The following YPEL1 variants were observed in gnomAD, a reference collection of about 807,000 sequenced individuals.
YPEL1 encodes yippee like 1, also known as protein yippee-like 1.
In YPEL1, 7 loss-of-function variants were observed where a neutral mutation model predicts 17.3. The ratio of observed to expected loss-of-function variants is 0.40; its 90% CI spans 0.23 to 0.76. YPEL1 has a LOEUF of 0.76. Among genes scored for constraint, YPEL1 ranks in the 30% least tolerant of loss-of-function variants. YPEL1 has a pLI of 0.35. For missense variants in YPEL1, 91 were observed against 155.5 expected, an observed-to-expected ratio of 0.59 and a Z score of 2.21; for synonymous variants, 59 against 59.6, an observed-to-expected ratio of 0.99 and a Z score of 0.05.
At chr22:21,731,954 C>A (rs1218965213) in intron 1 of YPEL1, among the ~76,000 whole-genome samples, 4 of 152,178 alleles carry the variant, frequency 2.6e-5, no homozygotes, top group Non-Finnish European at 4.4e-5. Context: ...GGCAGGGGCT[C>A]AGCAAGCACC....
chr22:21,703,351 A>G lies in YPEL1; in HGVS notation c.270+19T>C, dbSNP rs1272660893. On this transcript the variant is annotated intron_variant, in intron 4 of 4. Transcript: ENST00000339468. This position sits in a 1 kb window ranked among gnomAD's most constrained non-coding sequence, Gnocchi z 6.1. Reference sequence around the variant, plus strand: ...TGCCACATCCCCTTGTGGCACGAGCATCCCCTTGTGGCACTCACGTATTTC... The same window carrying G: ...TGCCACATCCCCTTGTGGCACGAGCGTCCCCTTGTGGCACTCACGTATTTC... 1 of 1,609,882 alleles carries G rather than the reference A, an allele frequency of 6.2e-7. No individual in the cohort carries two copies. Among genetic ancestry groups the G allele is most frequent in the Non-Finnish European group, 8.5e-7 (1 of 1,177,252 alleles).
At chr22:21,732,642 T>G (rs2068399153) in intron 1 of YPEL1, among the ~76,000 whole-genome samples, 1 of 152,050 alleles carries the variant, frequency 6.6e-6, no homozygotes, top group South Asian at 2.1e-4. Flanking sequence ...ATTAGCTGGC[T>G]GTTGTGGCGG....
rs148183464 is a variant in YPEL1, at chr22:21,734,195, G to T, written c.-165+1420C>A. Among the ~76,000 whole-genome samples, 5 of 152,332 alleles carry T rather than the reference G, an allele frequency of 3.3e-5. No individual in the cohort carries two copies. In the East Asian group the frequency reaches 5.8e-4, roughly 18 times the overall value. ...TGTTTGTGCCACTGCACTCCATCCTGAGCAAGAGTGAGACCCTGTCTCAAA... is the reference window on the plus strand; with the variant it reads ...TGTTTGTGCCACTGCACTCCATCCTTAGCAAGAGTGAGACCCTGTCTCAAA... On this transcript the variant is annotated intron_variant, in intron 1 of 4. Coordinates refer to ENST00000339468, the MANE Select transcript of YPEL1 (RefSeq NM_013313.5).
intron 1 of YPEL1, among the ~76,000 whole-genome samples, chr22:21,727,830 A>T (rs2068349725): frequency 6.6e-6 from 1 of 151,750 alleles, no homozygotes; most frequent in Non-Finnish European, 1.5e-5. Context: ...TGCTCCACCT[A>T]CCCCCTGGCA....
chr22:21,724,386 A>T (rs2068312215), intron 1 of YPEL1, among the ~76,000 whole-genome samples: 1 of 151,920 alleles, frequency 6.6e-6, no homozygotes, highest in African/African-American at 2.4e-5. Context: ...AAAATACTAA[A>T]ATTAGCCATG....
chr22:21,722,052 C>T (rs544803662), intron 1 of YPEL1, among the ~76,000 whole-genome samples: 24 of 152,292 alleles, frequency 1.6e-4, no homozygotes, highest in African/African-American at 5.3e-4. Flanking sequence ...ACAGAATTCC[C>T]TTGTCTTTTT....
At chr22:21,719,968 C>T (rs1426108308) in intron 1 of YPEL1, among the ~76,000 whole-genome samples, 1 of 149,028 alleles carries the variant, frequency 6.7e-6, no homozygotes, top group African/African-American at 2.5e-5. Context: ...GCCAAGATCG[C>T]ACCACTGCAC....
chr22:21,706,734 C>T (rs1355647203), intron 2 of YPEL1, among the ~76,000 whole-genome samples: 1 of 152,004 alleles, frequency 6.6e-6, no homozygotes, highest in Non-Finnish European at 1.5e-5. Flanking sequence ...GTACTCCCAG[C>T]TACTTGGGAG....
At chr22:21,717,624 G>C (rs1411649378) in intron 1 of YPEL1, among the ~76,000 whole-genome samples, 2 of 152,064 alleles carry the variant, frequency 1.3e-5, no homozygotes, top group East Asian at 3.8e-4. Flanking sequence ...TAAAGCCACA[G>C]CTAGACAAAT....
In YPEL1 at chr22:21,700,222, G is replaced by C. The variant is rs1205059165; in HGVS notation, c.*907C>G. On this transcript the variant is annotated 3_prime_UTR_variant, in exon 5 of 5. Transcript: ENST00000339468. The stretch of plus-strand genomic sequence containing the variant: ...AAGAAAAACAGCGGGGTGGAGGGTG[G>C]GCTACAATACCTTTTCTCTAAAAAA... 1 of 152,266 alleles carries C rather than the reference G, an allele frequency of 6.6e-6. No individual in the cohort carries two copies. Among genetic ancestry groups the C allele is most frequent in the Non-Finnish European group, 1.5e-5 (1 of 68,016 alleles). The allele number at this position is 152,266 out of a possible 1,614,324, so 9.4% of individuals were successfully genotyped here. A position where few individuals can be genotyped will look rare whatever the true frequency, so the allele number is the denominator to read the frequency against.
chr22:21,710,397 A>G (rs1230488508), intron 2 of YPEL1: 12 of 567,368 alleles, frequency 2.1e-5, no homozygotes, highest in Non-Finnish European at 3.2e-5. Flanking sequence ...TGGGAGTGCC[A>G]GCTGCCTGGC....
At chr22:21,719,841 G>A (rs936577070) in intron 1 of YPEL1, among the ~76,000 whole-genome samples, 6 of 151,962 alleles carry the variant, frequency 3.9e-5, no homozygotes, top group Non-Finnish European at 7.4e-5. Context: ...GCCTGGCCAA[G>A]ATGGTGAAAC....
chr22:21,704,070 G>C (rs188628093), intron 2 of YPEL1, 188 bp from the exon 3 acceptor site: 2 of 731,534 alleles, frequency 2.7e-6, no homozygotes, highest in African/African-American at 1.7e-5. Context: ...GCTGCAAGCT[G>C]TTTTTCATTG....
chr22:21,722,582 A>T (rs996887950), intron 1 of YPEL1, among the ~76,000 whole-genome samples: 1 of 151,960 alleles, frequency 6.6e-6, no homozygotes, highest in Non-Finnish European at 1.5e-5. Flanking sequence ...GTGCCACTGC[A>T]TTCCAGCCTA....
intron 1 of YPEL1, among the ~76,000 whole-genome samples, chr22:21,723,342 G>A (rs73149918): frequency 0.12 from 18,179 of 150,224 alleles, 1,326 homozygotes; most frequent in Middle Eastern, 0.19. Flanking sequence ...CTACAGAAGT[G>A]CACACTGCAC....
chr22:21,716,772 C>A (rs890946973), intron 1 of YPEL1, among the ~76,000 whole-genome samples: 6 of 152,210 alleles, frequency 3.9e-5, no homozygotes, highest in Admixed American at 3.9e-4. Context: ...TTCACAGAAA[C>A]AATGCCCCAT....
intron 1 of YPEL1, among the ~76,000 whole-genome samples, chr22:21,721,368 G>A (rs184399994): frequency 1.1e-3 from 164 of 150,906 alleles, no homozygotes; most frequent in African/African-American, 3.9e-3. Context: ...TCTGCCCGCC[G>A]CAGCCTCCCA....
chr22:21,710,417 C>G, intron 2 of YPEL1: 1 of 576,386 alleles, frequency 1.7e-6, no homozygotes, highest in Non-Finnish European at 3.1e-6. Context: ...CCCTGGAAAA[C>G]CGCCCACCAT....
chr22:21,698,454 T>C lies in YPEL1; in HGVS notation c.*2675A>G, dbSNP rs1281190818. On this transcript the variant is annotated 3_prime_UTR_variant, in exon 5 of 5. Transcript: ENST00000339468. ...GGTAGAGTTTTAGAAGTTTCTTCCA[T>C]GTAAGTGAAGCATCTTGAGTCACTC... 2 of 152,302 alleles carry C rather than the reference T, an allele frequency of 1.3e-5. No individual in the cohort carries two copies. The highest frequency in any genetic ancestry group is 2.9e-5 in the Non-Finnish European group (2 of 68,032). 9.4% of individuals were successfully genotyped at this position (152,302 alleles called of 1,614,324 possible). A position where few individuals can be genotyped will look rare whatever the true frequency, so the allele number is the denominator to read the frequency against.
Sources: gnomAD v4.1 joint callset for allele counts (sites outside exome capture counted in the v4.1 genomes callset) on GRCh38, gnomAD v4.1.1 for gene constraint, Gnocchi (gnomAD v3.1) non-coding constraint, MANE v1.5 for transcripts, NCBI Gene and HGNC (gene_info 2026-07-23, HGNC 2026-07-21) for gene names.